ROBO1: variants seen among roughly 807,000 people sequenced by gnomAD.
The protein encoded by ROBO1 is roundabout homolog 1.
A neutral mutation model predicts 195.9 loss-of-function variants in ROBO1; 149 were observed. That is an observed-to-expected ratio of 0.76 (90% CI 0.67 to 0.87). The LOEUF is 0.87. Among genes scored for constraint, ROBO1 ranks in the 40% least tolerant of loss-of-function variants. The pLI is 0.00. For synonymous variants in ROBO1, 816 were observed against 733.2 expected (o/e 1.11, Z -1.82); for missense variants, 1,933 against 2,068.3 (o/e 0.93, Z 1.27).
At chr3:79,338,820 C>G (rs1036753023) in intron 2 of ROBO1, among the ~76,000 whole-genome samples, 2 of 152,138 alleles carry the variant, frequency 1.3e-5, no homozygotes, top group Non-Finnish European at 2.9e-5. Flanking sequence ...ATGTATATCT[C>G]TATTCCTACT....
At chr3:79,267,045 T>C (rs1390909805) in intron 2 of ROBO1, among the ~76,000 whole-genome samples, 1 of 151,502 alleles carries the variant, frequency 6.6e-6, no homozygotes, top group Non-Finnish European at 1.5e-5. Context: ...ACAAATGGCA[T>C]GCTATTCTAT....
chr3:79,435,270 G>A (rs1348376487), intron 2 of ROBO1, among the ~76,000 whole-genome samples: 1 of 152,106 alleles, frequency 6.6e-6, no homozygotes, highest in African/African-American at 2.4e-5. Flanking sequence ...GGAGGTGGGT[G>A]AGAGGTGGTC....
intron 2 of ROBO1, among the ~76,000 whole-genome samples, chr3:79,461,343 G>A (rs1397604178): frequency 6.6e-6 from 1 of 152,034 alleles, no homozygotes; most frequent in Non-Finnish European, 1.5e-5. Context: ...GGTGAATGGG[G>A]GTTCCCATCT....
chr3:79,620,977 A>G (rs919156717), intron 1 of ROBO1, among the ~76,000 whole-genome samples: 22 of 152,160 alleles, frequency 1.4e-4, no homozygotes, highest in African/African-American at 5.1e-4. Context: ...TGTCTTGCCT[A>G]TCCACCCCAT....
At chr3:78,653,321 C>T (rs1417986487) in intron 18 of ROBO1, among the ~76,000 whole-genome samples, 2 of 152,076 alleles carry the variant, frequency 1.3e-5, no homozygotes, top group Non-Finnish European at 2.9e-5. Flanking sequence ...TATGTAGATA[C>T]AACTTACTTG....
intron 4 of ROBO1, among the ~76,000 whole-genome samples, chr3:78,831,519 C>A (rs1164581057): frequency 1.3e-5 from 2 of 152,174 alleles, no homozygotes; most frequent in Non-Finnish European, 2.9e-5. Flanking sequence ...ATAAAATACA[C>A]AGCACAGATG....
chr3:79,464,033 T>A (rs572739364), intron 2 of ROBO1, among the ~76,000 whole-genome samples: 1 of 152,218 alleles, frequency 6.6e-6, no homozygotes, highest in Non-Finnish European at 1.5e-5. Flanking sequence ...TTATACAGTA[T>A]AAAGTCTTTA....
chr3:79,060,509 C>G (rs960421427), intron 3 of ROBO1, among the ~76,000 whole-genome samples: 6 of 151,930 alleles, frequency 3.9e-5, no homozygotes, highest in African/African-American at 1.2e-4. Context: ...CTTTTTTGTG[C>G]TCTTTCTCTT....
intron 1 of ROBO1, among the ~76,000 whole-genome samples, chr3:79,604,871 G>T (rs971884871): frequency 6.6e-6 from 1 of 151,662 alleles, no homozygotes; most frequent in Non-Finnish European, 1.5e-5. Flanking sequence ...CCAGTATTAC[G>T]CAATGTTCTG....
intron 1 of ROBO1, among the ~76,000 whole-genome samples, chr3:79,654,052 C>T (rs1231074282): frequency 6.6e-6 from 1 of 151,926 alleles, no homozygotes; most frequent in Non-Finnish European, 1.5e-5. Flanking sequence ...TTTGAATTTA[C>T]TTTGTATGTC....
rs569190604 is a variant in ROBO1, at chr3:79,516,084, G to A, written c.88+73740C>T. On this transcript the variant is annotated intron_variant, in intron 2 of 30. Transcript: ENST00000464233. ...TAACAGATCCTTCGCTTTCCTTCTA[G>A]AAATGATCAATGCATATGAAGAAAA... 3.2e-4 allele frequency among the ~76,000 whole-genome samples: 49 copies of A among 151,850 alleles called. 1 individual carries two copies. In the South Asian group the frequency reaches 8.9e-3, roughly 28 times the overall value.
At chr3:78,657,671 C>A (rs555785738) in intron 17 of ROBO1, among the ~76,000 whole-genome samples, 1 of 152,282 alleles carries the variant, frequency 6.6e-6, no homozygotes, top group African/African-American at 2.4e-5. Context: ...TCAACATTTG[C>A]ATTCTAGGCA....
Position 78,746,018 on chromosome 3 carries a change from G to T in ROBO1, c.657+725C>A, listed in dbSNP as rs185870733. Among the ~76,000 whole-genome samples, 33 of 152,288 alleles carry T rather than the reference G, an allele frequency of 2.2e-4. No individual in the cohort carries two copies. In the East Asian group the frequency reaches 5.0e-3, roughly 23 times the overall value. ...GATATCAGTGCATGCTGAACAAAGA[G>T]AATCGTAAAGGGAAATATTGAGCAA... On this transcript the variant is annotated intron_variant, in intron 5 of 30. Transcript: ENST00000464233.
chr3:78,657,128 C>A lies in ROBO1; in HGVS notation c.2584G>T (p.Val862Leu). 1 of 1,611,280 alleles carries A rather than the reference C, an allele frequency of 6.2e-7. No homozygotes were observed. The highest frequency in any genetic ancestry group is 1.3e-5 in the African/African-American group (1 of 74,996). Residue 862 changes from valine (V) to leucine (L), a missense_variant, in exon 18 of 31, where the codon GTA becomes TTA. Val to Leu is a conservative substitution (Grantham distance 32). Coordinates refer to ENST00000464233, the MANE Select transcript of ROBO1 (RefSeq NM_002941.4). ...VAASTGAGSG[V>L]KSEPQFIQLD... is the part of the protein sequence containing the mutation. ...TGGATGAACTGAGGCTCACTCTTTA[C>A]CCCAGACCCAGCCCCAGTGCTGGCT... is the stretch of plus-strand genomic sequence containing the variant.
At chr3:79,644,803 G>A (rs1945769548) in intron 1 of ROBO1, among the ~76,000 whole-genome samples, 1 of 152,076 alleles carries the variant, frequency 6.6e-6, no homozygotes, top group African/African-American at 2.4e-5. Context: ...AATAGATCAT[G>A]TTTTAGGCCA....
chr3:79,063,847 C>A (rs2078961393), intron 3 of ROBO1, among the ~76,000 whole-genome samples: 1 of 151,792 alleles, frequency 6.6e-6, no homozygotes, highest in African/African-American at 2.4e-5. Context: ...CACAAAAAGA[C>A]AGACATCACT....
intron 2 of ROBO1, among the ~76,000 whole-genome samples, chr3:79,458,434 G>T (rs1196309543): frequency 6.6e-6 from 1 of 152,156 alleles, no homozygotes; most frequent in Non-Finnish European, 1.5e-5. Context: ...TGAGTATGAA[G>T]GATCTGGAAG....
intron 4 of ROBO1, among the ~76,000 whole-genome samples, chr3:78,931,064 A>T (rs922586902): frequency 1.3e-5 from 2 of 152,068 alleles, no homozygotes; most frequent in African/African-American, 4.8e-5. Context: ...TTCCATGAAG[A>T]CAAGAATCAT....
chr3:78,899,084 T>C (rs2037429634), intron 4 of ROBO1, among the ~76,000 whole-genome samples: 1 of 152,220 alleles, frequency 6.6e-6, no homozygotes, highest in South Asian at 2.1e-4. Flanking sequence ...GGTACCCTAG[T>C]GTTTATCAAA....
Sources: gnomAD v4.1 joint callset for allele counts (sites outside exome capture counted in the v4.1 genomes callset) on GRCh38, gnomAD v4.1.1 for gene constraint, MANE v1.5 for transcripts, NCBI Gene and HGNC (gene_info 2026-07-23, HGNC 2026-07-21) for gene names.